The following CDH10 variants were observed in gnomAD, a reference collection of about 807,000 sequenced individuals.
CDH10 encodes the protein cadherin-10.
CDH10 carries 30 observed loss-of-function variants against 73.1 expected under a neutral mutation model. That is an observed-to-expected ratio of 0.41 (90% confidence interval 0.31 to 0.56). The LOEUF (loss-of-function observed/expected upper bound fraction) is 0.56, where lower values mean the gene tolerates loss of function less well. Ranked by LOEUF, CDH10 falls within the 20% of genes least tolerant of loss-of-function variation. The probability of loss-of-function intolerance (pLI) is 0.27; values close to 1 mark genes in which losing one functional copy is unlikely to be tolerated. For missense variants in CDH10, 815 were observed against 973.7 expected (o/e 0.84, Z 2.17); for synonymous variants, 345 against 348.2 (o/e 0.99, Z 0.10).
intron 2 of CDH10, among the ~76,000 whole-genome samples, chr5:24,540,988 C>T (rs2111910778): frequency 6.6e-6 from 1 of 151,730 alleles, no homozygotes; most frequent in Middle Eastern, 3.4e-3. Flanking sequence ...TAGGGTGATA[C>T]AACTAAAAAA....
chr5:24,535,082 C>T (rs2111875397), intron 5 of CDH10, 30 bp downstream of exon 5: 5 of 1,507,602 alleles, frequency 3.3e-6, no homozygotes, highest in Admixed American at 2.4e-5. Flanking sequence ...AATCTTTTGC[C>T]CGGCAGAATG....
rs113827563 is a variant in CDH10 at position 24,641,140 on chromosome 5, C to T, written c.-124+3454G>A. Reference sequence around the variant, plus strand: ...ATGGGAAAAGCAAAATGGACTTATACGCTTTAGGTGCCCTTCTATTCAAGA... The same window carrying T: ...ATGGGAAAAGCAAAATGGACTTATATGCTTTAGGTGCCCTTCTATTCAAGA... On this transcript the variant is annotated intron_variant, in intron 1 of 11. Transcript: ENST00000264463. Among the ~76,000 whole-genome samples the T allele has an allele frequency of 1.9e-3, 295 of 151,886 alleles. 1 individual carries two copies. The highest frequency in any genetic ancestry group is 3.2e-3 in the Admixed American group (49 of 15,226).
intron 1 of CDH10, among the ~76,000 whole-genome samples, chr5:24,621,278 C>T (rs1463868676): frequency 6.6e-6 from 1 of 152,144 alleles, no homozygotes; most frequent in Non-Finnish European, 1.5e-5. Context: ...CATCTAGAAA[C>T]CCCACAGAAT....
chr5:24,534,658 G>C (rs1273598864), intron 5 of CDH10, among the ~76,000 whole-genome samples: 1 of 152,036 alleles, frequency 6.6e-6, no homozygotes, highest in Non-Finnish European at 1.5e-5. Context: ...GATCTACAGT[G>C]CTTTCTGGCT....
Position 24,535,767 on chromosome 5 carries a change from G to C in CDH10, c.582C>G (p.Asn194Lys), listed in dbSNP as rs1019246472. The part of the protein sequence containing the change: ...ATDADDPSYG[N>K]SARVIYSILQ... Reference sequence around the variant, plus strand: ...GTATGCTGTAAATGACTCTGGCGCTGTTCCCATATGAAGGGTCATCGGCAT... The same window carrying C: ...GTATGCTGTAAATGACTCTGGCGCTCTTCCCATATGAAGGGTCATCGGCAT... Residue 194 changes from asparagine to lysine, a missense_variant, in exon 4 of 12, where the codon AAC becomes AAG. Asn to Lys is a moderately conservative substitution (Grantham distance 94). Around this residue, in one of 3 missense-constraint regions of CDH10, gnomAD observed 516 missense variants for 636.6 expected, o/e 0.81. Transcript: ENST00000264463. 2 of 1,610,156 alleles carry C rather than the reference G, an allele frequency of 1.2e-6. No individual in the cohort carries two copies. Among genetic ancestry groups the C allele is most frequent in the Non-Finnish European group, 1.7e-6 (2 of 1,177,004 alleles).
intron 1 of CDH10, among the ~76,000 whole-genome samples, chr5:24,603,284 A>G (rs924620739): frequency 6.6e-6 from 1 of 152,176 alleles, no homozygotes; most frequent in African/African-American, 2.4e-5. Context: ...GGTACTATAT[A>G]TGTAGAATAT....
intron 9 of CDH10, among the ~76,000 whole-genome samples, chr5:24,494,774 A>G (rs1172243536): frequency 6.6e-6 from 1 of 152,100 alleles, no homozygotes; most frequent in Non-Finnish European, 1.5e-5. Context: ...ATTGATTTAA[A>G]GATCAGTAGT....
intron 10 of CDH10, among the ~76,000 whole-genome samples, chr5:24,492,553 T>C (rs894416722): frequency 2.6e-5 from 4 of 152,170 alleles, no homozygotes; most frequent in African/African-American, 9.7e-5. Flanking sequence ...GTAAGAATTA[T>C]CTCCAGCCGT....
At chr5:24,577,272 A>G (rs1182290100) in intron 2 of CDH10, among the ~76,000 whole-genome samples, 4 of 152,132 alleles carry the variant, frequency 2.6e-5, no homozygotes, top group African/African-American at 9.7e-5. Context: ...TATTTGTGAC[A>G]AAAGTACTAA....
At chr5:24,582,956 TAA>T (rs1336096047) in intron 2 of CDH10, among the ~76,000 whole-genome samples, 1 of 152,138 alleles carries the variant, frequency 6.6e-6, no homozygotes, top group Admixed American at 6.5e-5. Context: ...TATCAAAGTT[TAA>T]AACTTTTCAA....
intron 9 of CDH10, among the ~76,000 whole-genome samples, chr5:24,493,651 G>A (rs1464625638): frequency 6.6e-6 from 1 of 151,544 alleles, no homozygotes; most frequent in Non-Finnish European, 1.5e-5. Context: ...TAATAGGTAG[G>A]TTTTTTTGCA....
chr5:24,507,012 A>G (rs566092788), intron 7 of CDH10, among the ~76,000 whole-genome samples: 58 of 152,250 alleles, frequency 3.8e-4, no homozygotes, highest in African/African-American at 1.4e-3. Flanking sequence ...ATAGTTTGCA[A>G]TTCTGTATTG....
chr5:24,621,585 A>T (rs1747317509), intron 1 of CDH10, among the ~76,000 whole-genome samples: 1 of 152,212 alleles, frequency 6.6e-6, no homozygotes, highest in African/African-American at 2.4e-5. Context: ...GGAAAATGGC[A>T]TAGGCAATGT....
chr5:24,621,586 T>A (rs993263300), intron 1 of CDH10, among the ~76,000 whole-genome samples: 1 of 152,160 alleles, frequency 6.6e-6, no homozygotes. Flanking sequence ...GAAAATGGCA[T>A]AGGCAATGTG....
chr5:24,498,917 T>TTTTTG (rs1742391379), intron 8 of CDH10, among the ~76,000 whole-genome samples: 1 of 152,114 alleles, frequency 6.6e-6, no homozygotes, highest in Non-Finnish European at 1.5e-5. Flanking sequence ...TTTTTGTTTG[T>TTTTTG]TTTTGTTTTG....
chr5:24,604,886 A>C lies in CDH10; in HGVS notation c.-123-11273T>G, dbSNP rs918531747. Among the ~76,000 whole-genome samples the C allele has an allele frequency of 4.9e-3, 732 of 150,518 alleles. 7 individuals carry two copies. Among genetic ancestry groups the C allele is most frequent in the Non-Finnish European group, 6.2e-3 (424 of 67,940 alleles). ...AAGATGTCTCTAAAAAAAAAAAAAA[A>C]AAAAAAAAACAAAAACAAACAAACA... On this transcript the variant is annotated intron_variant, in intron 1 of 11. Transcript: ENST00000264463.
chr5:24,589,072 C>T (rs893424106), intron 2 of CDH10, among the ~76,000 whole-genome samples: 2 of 152,100 alleles, frequency 1.3e-5, no homozygotes, highest in African/African-American at 2.4e-5. Context: ...TTATTATTTG[C>T]TGTCTTTGAG....
intron 1 of CDH10, among the ~76,000 whole-genome samples, chr5:24,626,914 A>G (rs1403901062): frequency 6.7e-6 from 1 of 149,580 alleles, no homozygotes; most frequent in Admixed American, 6.7e-5. Context: ...ATATAAGTGT[A>G]TATATATAAT....
chr5:24,573,712 A>G (rs1579828174), intron 2 of CDH10, among the ~76,000 whole-genome samples: 4 of 149,592 alleles, frequency 2.7e-5, no homozygotes, highest in South Asian at 2.1e-4. Flanking sequence ...AAAAAAAAAA[A>G]AAAGAAAGAA....
Sources: allele counts gnomAD v4.1 joint callset (sites outside exome capture counted in the v4.1 genomes callset), GRCh38; gene constraint gnomAD v4.1.1; regional missense constraint gnomAD v4.1.1; transcripts MANE v1.5; gene names NCBI Gene and HGNC (gene_info 2026-07-23, HGNC 2026-07-21).